The following WSCD1 variants were observed in gnomAD, a reference collection of about 807,000 sequenced individuals.
WSCD1 encodes sialate:O-sulfotransferase 1.
WSCD1 carries 41 observed loss-of-function variants against 60.4 expected under a neutral mutation model. That is an observed-to-expected ratio of 0.68 (90% confidence interval 0.53 to 0.88). WSCD1 has a LOEUF of 0.88. Among genes scored for constraint, WSCD1 ranks in the 40% least tolerant of loss-of-function variants. WSCD1 has a pLI of 0.00. For missense variants in WSCD1, 784 were observed against 796.2 expected (o/e 0.98, Z 0.18); for synonymous variants, 361 against 332.5 (o/e 1.09, Z -0.93).
intron 5 of WSCD1, among the ~76,000 whole-genome samples, chr17:6,097,679 TTGTG>T (rs894355641): frequency 2.6e-5 from 4 of 152,208 alleles, no homozygotes; most frequent in Non-Finnish European, 5.9e-5. Flanking sequence ...GTAGATCACT[TTGTG>T]TGAGTGAATC....
At chr17:6,069,596 G>A (rs962859756), upstream of WSCD1, among the ~76,000 whole-genome samples, 4 of 151,994 alleles carry the variant, frequency 2.6e-5, no homozygotes, top group South Asian at 6.2e-4. Context: ...GCCGGCGGCC[G>A]ACCCCCGAGT....
rs748708422 is a variant in WSCD1 at position 6,120,425 on chromosome 17, G to A, written c.1492G>A (p.Val498Met). ...CTACGAGGAGCTGCGGCGCAGCCTGGTGCCCACGTTACGGGAGATGGTGGC... is the reference window on the plus strand; with the variant it reads ...CTACGAGGAGCTGCGGCGCAGCCTGATGCCCACGTTACGGGAGATGGTGGC... ...VHYEELRRSL[V>M]PTLREMVAFL... The change falls in exon 9 of 9, where the codon GTG (valine) becomes ATG (methionine). Residue 498 changes from valine (V) to methionine (M), a missense_variant. By Grantham distance (21) the Val-to-Met change is conservative (BLOSUM62 1). Coordinates refer to ENST00000317744, the MANE Select transcript of WSCD1 (RefSeq NM_015253.2). The A allele has an allele frequency of 2.5e-6, 4 of 1,613,988 alleles. No individual in the cohort carries two copies. The highest frequency in any genetic ancestry group is 1.1e-5 in the South Asian group (1 of 91,096).
chr17:6,072,680 G>C (rs117495060), intron 1 of WSCD1, among the ~76,000 whole-genome samples: 1,867 of 152,328 alleles, frequency 0.012, 12 homozygotes, highest in Middle Eastern at 0.027. Context: ...AACATCCAGG[G>C]CTGCTCATCT....
intron 1 of WSCD1, among the ~76,000 whole-genome samples, chr17:6,076,948 G>A (rs919909424): frequency 3.3e-5 from 5 of 152,212 alleles, no homozygotes; most frequent in Non-Finnish European, 7.3e-5. Context: ...TGGGATCTGG[G>A]AACATGGAGA....
chr17:6,072,794 G>A (rs1179877782), intron 1 of WSCD1, among the ~76,000 whole-genome samples: 1 of 152,190 alleles, frequency 6.6e-6, no homozygotes, highest in Non-Finnish European at 1.5e-5. Context: ...TCATGGCTTT[G>A]ACAATCGTGC....
chr17:6,109,530 C>A, intron 5 of WSCD1, 77 bp from the exon 6 acceptor site: 1 of 1,552,196 alleles, frequency 6.4e-7, no homozygotes, highest in South Asian at 1.2e-5. Context: ...CGTCCATGTT[C>A]ATCCCATTCC....
intron 4 of WSCD1, among the ~76,000 whole-genome samples, chr17:6,093,889 C>A (rs1046214963): frequency 6.6e-6 from 1 of 152,236 alleles, no homozygotes; most frequent in Non-Finnish European, 1.5e-5. Flanking sequence ...GTTTTCCCCA[C>A]ACTAGGCTGT....
intron 5 of WSCD1, among the ~76,000 whole-genome samples, chr17:6,104,282 C>A (rs1223283186): frequency 6.6e-6 from 1 of 152,214 alleles, no homozygotes; most frequent in East Asian, 1.9e-4. Flanking sequence ...CCCCTCCAAC[C>A]AGGCCCCACC....
intron 8 of WSCD1, among the ~76,000 whole-genome samples, chr17:6,119,160 A>G (rs995449575): frequency 6.6e-6 from 1 of 152,174 alleles, no homozygotes; most frequent in African/African-American, 2.4e-5. Flanking sequence ...ATACCATGAT[A>G]TGGTGGGTTA....
intron 4 of WSCD1, among the ~76,000 whole-genome samples, chr17:6,094,156 G>A (rs11654856): frequency 0.17 from 25,983 of 152,262 alleles, 2,897 homozygotes; most frequent in Non-Finnish European, 0.23. Context: ...GAAGAAATAC[G>A]AGCAGTTGGT....
intron 3 of WSCD1, 111 bp from the exon 4 acceptor site, chr17:6,090,210 C>CAA: frequency 5.1e-6 from 6 of 1,166,376 alleles, no homozygotes; most frequent in African/African-American, 1.6e-5. Flanking sequence ...AAACAAAAAA[C>CAA]AAAAAAAAAA....
Position 6,075,093 on chromosome 17 carries a change from A to G in WSCD1, c.-289+4441A>G, listed in dbSNP as rs1183627992. 2.0e-5 allele frequency among the ~76,000 whole-genome samples: 3 copies of G among 152,114 alleles called. No homozygotes were observed. Among genetic ancestry groups the G allele is most frequent in the Non-Finnish European group, 2.9e-5 (2 of 68,014 alleles). On this transcript the variant is annotated intron_variant, in intron 1 of 8. Transcript: ENST00000317744. This position sits in a 1 kb window ranked among gnomAD's most constrained non-coding sequence, Gnocchi z 4.1. Reference sequence around the variant, plus strand: ...GAGGCTTCGAGCTTCTAGGACCCAGATGCCCATCACCTTGTCTAGAGAGCA... The same window carrying G: ...GAGGCTTCGAGCTTCTAGGACCCAGGTGCCCATCACCTTGTCTAGAGAGCA...
At chr17:6,083,676 G>A (rs1256316070) in intron 2 of WSCD1, among the ~76,000 whole-genome samples, 1 of 152,208 alleles carries the variant, frequency 6.6e-6, no homozygotes, top group Non-Finnish European at 1.5e-5. Context: ...CTACTTGGGA[G>A]GCTGAGGCAG....
intron 7 of WSCD1, among the ~76,000 whole-genome samples, chr17:6,114,854 C>G (rs192535430): frequency 2.6e-5 from 4 of 151,862 alleles, no homozygotes; most frequent in East Asian, 1.9e-4. Context: ...CCCCCACCCC[C>G]CAACAGGCCC....
At chr17:6,104,978 G>A (rs1302505723) in intron 5 of WSCD1, among the ~76,000 whole-genome samples, 1 of 152,210 alleles carries the variant, frequency 6.6e-6, no homozygotes, top group Non-Finnish European at 1.5e-5. Flanking sequence ...TGCTCAAGGA[G>A]GACTGAAGAT....
chr17:6,110,861 C>T lies in WSCD1; in HGVS notation c.1100C>T (p.Ala367Val), dbSNP rs1911368513. ...TTCCCAGGAGCCGGGAACACATGGG[C>T]ACGGCACCTCATTGAGCATGCCACT... ...SSFPGAGNTW[A>V]RHLIEHATGF... Residue 367 changes from alanine to valine, a missense_variant, in exon 7 of 9, where the codon GCA becomes GTA. Coordinates refer to ENST00000317744, the MANE Select transcript of WSCD1 (RefSeq NM_015253.2). The surrounding 1 kb of genome is among the most constrained non-coding windows in gnomAD (Gnocchi z 4.8). 2 of 1,613,928 alleles carry T rather than the reference C, an allele frequency of 1.2e-6. No individual in the cohort carries two copies. Among genetic ancestry groups the T allele is most frequent in the Non-Finnish European group, 1.7e-6 (2 of 1,179,868 alleles).
At chr17:6,092,202 C>T (rs2150547205) in intron 4 of WSCD1, among the ~76,000 whole-genome samples, 1 of 148,798 alleles carries the variant, frequency 6.7e-6, no homozygotes, top group African/African-American at 2.5e-5. Context: ...TAAGGCTTCA[C>T]AGGGGTTCTG....
rs1034303595 is a variant in WSCD1 at position 6,122,637 on chromosome 17, G to A, written c.*1976G>A. 4 of 152,754 alleles carry A rather than the reference G, an allele frequency of 2.6e-5. No individual in the cohort carries two copies. 9.5% of individuals were successfully genotyped at this position (152,754 alleles called of 1,614,324 possible). ...CAATGTCAGGCGTGGCAGTGGGGAA[G>A]CCATGGAGGCTGGGAAGGGCAAAGT... is the stretch of plus-strand genomic sequence containing the variant. On this transcript the variant is annotated 3_prime_UTR_variant, in exon 9 of 9. Transcript: ENST00000317744.
At chr17:6,094,258 G>C (rs928108424) in intron 4 of WSCD1, among the ~76,000 whole-genome samples, 2 of 152,210 alleles carry the variant, frequency 1.3e-5, no homozygotes, top group African/African-American at 4.8e-5. Flanking sequence ...GCAGCAGGAG[G>C]CTTGGCAGGA....
Sources: allele counts gnomAD v4.1 joint callset (sites outside exome capture counted in the v4.1 genomes callset), GRCh38; gene constraint gnomAD v4.1.1; non-coding constraint Gnocchi (gnomAD v3.1); transcripts MANE v1.5; gene names NCBI Gene and HGNC (gene_info 2026-07-23, HGNC 2026-07-21).